The following TLE1 variants were observed in gnomAD, a reference collection of about 807,000 sequenced individuals.
TLE1 encodes the protein transducin-like enhancer protein 1.
Under a neutral mutation model 89.8 loss-of-function variants are expected in TLE1, and 21 were observed. The observed-to-expected ratio is 0.23, with a 90% confidence interval of 0.17 to 0.34. The LOEUF is 0.34. Among genes scored for constraint, TLE1 ranks in the 10% least tolerant of loss-of-function variants. The probability of loss-of-function intolerance (pLI) is 1.00; values close to 1 mark genes in which losing one functional copy is unlikely to be tolerated. For synonymous variants in TLE1, 447 were observed against 407.6 expected (o/e 1.10, Z -1.16); for missense variants, 795 against 1,031.2 (o/e 0.77, Z 3.14).
Position 81,688,268 on chromosome 9 carries a change from C to T in TLE1, c.-28G>A, listed in dbSNP as rs374897058. The T allele has an allele frequency of 4.7e-5, 74 of 1,558,838 alleles. No individual in the cohort carries two copies. The African/African-American group carries it at 6.8e-4, about 14-fold the overall frequency. ...CTCTGGCGGCGGCCGGGGCTCTGTT[C>T]CCCGGCAACTCAATTCTCCGGTCAA... is the stretch of plus-strand genomic sequence containing the variant. On this transcript the variant is annotated 5_prime_UTR_variant, in exon 1 of 20. Coordinates refer to ENST00000376499, the MANE Select transcript of TLE1 (RefSeq NM_005077.5).
At chr9:81,668,600 A>G (rs929595145) in intron 4 of TLE1, among the ~76,000 whole-genome samples, 3 of 152,218 alleles carry the variant, frequency 2.0e-5, no homozygotes, top group Non-Finnish European at 2.9e-5. Context: ...TTCCTCCAAG[A>G]TAACAATCAA....
chr9:81,664,709 GA>G (rs60095023), intron 4 of TLE1, among the ~76,000 whole-genome samples: 27 of 146,598 alleles, frequency 1.8e-4, no homozygotes, highest in African/African-American at 3.3e-4. Flanking sequence ...TTTTAATTAA[GA>G]AAAAAAAAAA....
intron 4 of TLE1, among the ~76,000 whole-genome samples, chr9:81,662,878 C>T (rs985045824): frequency 6.6e-6 from 1 of 151,946 alleles, no homozygotes; most frequent in Non-Finnish European, 1.5e-5. Flanking sequence ...GACAGGGTCT[C>T]ACCCTGTTGC....
chr9:81,660,273 C>T (rs1004566954), intron 4 of TLE1, among the ~76,000 whole-genome samples: 2 of 151,424 alleles, frequency 1.3e-5, no homozygotes, highest in African/African-American at 4.9e-5. Context: ...TCCATGCACC[C>T]CTAAATTCAA....
At chr9:81,605,029 C>T (rs910235010) in intron 14 of TLE1, among the ~76,000 whole-genome samples, 1 of 152,200 alleles carries the variant, frequency 6.6e-6, no homozygotes, top group African/African-American at 2.4e-5. Context: ...AGGCTGAGAG[C>T]ACCCTCTTTC....
chr9:81,634,198 C>G lies in TLE1; in HGVS notation c.476G>C (p.Gly159Ala), dbSNP rs771573048. The G allele has an allele frequency of 6.3e-7, 1 of 1,591,644 alleles. No homozygotes were observed. Among genetic ancestry groups the G allele is most frequent in the East Asian group, 2.3e-5 (1 of 44,244 alleles). The change falls in exon 7 of 20, where the codon GGG (glycine) becomes GCG (alanine). Residue 159 changes from glycine (G) to alanine (A), a missense_variant. Gly to Ala is a moderately conservative substitution (Grantham distance 60). This residue lies in a region of TLE1 where 468 missense variants were observed against 509.1 expected (regional missense o/e 0.92). Coordinates refer to ENST00000376499, the MANE Select transcript of TLE1 (RefSeq NM_005077.5). ...CAGCGCAAGAAGGCCGGCACTGCCC[C>G]CGAGGGGCGGGATTCCAGGAGGCTG... ...GLQPPGIPPL[G>A]GSAGLLALSS...
At chr9:81,628,650 T>C (rs1224406003) in intron 8 of TLE1, among the ~76,000 whole-genome samples, 1 of 152,202 alleles carries the variant, frequency 6.6e-6, no homozygotes, top group Admixed American at 6.5e-5. Flanking sequence ...AACAAGGTGA[T>C]GTTTGTCATA....
At chr9:81,647,697 C>T (rs73647838) in intron 6 of TLE1, among the ~76,000 whole-genome samples, 1,935 of 152,248 alleles carry the variant, frequency 0.013, 55 homozygotes, top group African/African-American at 0.044. Flanking sequence ...GACGGTATTA[C>T]CATCTACAGA....
At chr9:81,615,273 G>A (rs1193844537) in intron 11 of TLE1, among the ~76,000 whole-genome samples, 1 of 146,754 alleles carries the variant, frequency 6.8e-6, no homozygotes, top group Non-Finnish European at 1.5e-5. Flanking sequence ...AGGTTGCAGT[G>A]TGCCGAGATC....
chr9:81,676,784 G>C lies in TLE1; in HGVS notation c.234+8892C>G, dbSNP rs78642889. Reference sequence around the variant, plus strand: ...TCCCTTTCCAGGGCTGGAGTTCCCAGGGTGCGGCCAGGTTTGACATATGGG... The same window carrying C: ...TCCCTTTCCAGGGCTGGAGTTCCCACGGTGCGGCCAGGTTTGACATATGGG... On this transcript the variant is annotated intron_variant, in intron 4 of 19. Transcript: ENST00000376499. Among the ~76,000 whole-genome samples, 413 of 152,328 alleles carry C rather than the reference G, an allele frequency of 2.7e-3. 1 individual carries two copies. The highest frequency in any genetic ancestry group is 4.3e-3 in the Non-Finnish European group (295 of 68,030).
intron 15 of TLE1, 61 bp downstream of exon 15, chr9:81,592,964 T>G: frequency 6.4e-7 from 1 of 1,573,382 alleles, no homozygotes; most frequent in South Asian, 1.2e-5. Flanking sequence ...CCCACACAGC[T>G]ATTTCCTTAT....
chr9:81,626,192 G>A (rs1341072203), intron 8 of TLE1, among the ~76,000 whole-genome samples: 3 of 152,084 alleles, frequency 2.0e-5, no homozygotes, highest in Admixed American at 6.6e-5. Flanking sequence ...TCTCCTCCCC[G>A]CAGGAAAAGT....
In TLE1 at chr9:81,652,293, G is replaced by C. The variant is rs776315726; in HGVS notation, c.298-5C>G. The C allele has an allele frequency of 9.9e-6, 16 of 1,612,494 alleles. No individual in the cohort carries two copies. In the African/African-American group the frequency reaches 1.6e-4, roughly 16 times the overall value. ...CTGGGCCACCTGTTGTTGATGCTTTGAAAACAAGGAGAAGAAAGGGCATTA... is the reference window on the plus strand; with the variant it reads ...CTGGGCCACCTGTTGTTGATGCTTTCAAAACAAGGAGAAGAAAGGGCATTA... On this transcript the variant is annotated splice_polypyrimidine_tract_variant and splice_region_variant and intron_variant, in intron 5 of 19. Coordinates refer to ENST00000376499, the MANE Select transcript of TLE1 (RefSeq NM_005077.5).
chr9:81,645,425 G>A (rs888256149), intron 6 of TLE1, among the ~76,000 whole-genome samples: 7 of 150,564 alleles, frequency 4.6e-5, no homozygotes, highest in African/African-American at 1.2e-4. Flanking sequence ...AACTAAAAGC[G>A]TGTCATTAGA....
At chr9:81,665,128 G>A (rs999504295) in intron 4 of TLE1, among the ~76,000 whole-genome samples, 13 of 152,182 alleles carry the variant, frequency 8.5e-5, no homozygotes, top group Admixed American at 2.0e-4. Flanking sequence ...AGCAACATGA[G>A]AGCTGCCCTC....
chr9:81,689,445 G>C lies in TLE1; in HGVS notation c.-1205C>G, dbSNP rs1422058974. 1.3e-5 allele frequency: 2 copies of C among 153,334 alleles called. No individual in the cohort carries two copies. The highest frequency in any genetic ancestry group is 3.9e-4 in the East Asian group (2 of 5,180). The allele number at this position is 153,334 out of a possible 1,614,324, so 9.5% of individuals were successfully genotyped here. On this transcript the variant is annotated 5_prime_UTR_variant, in exon 1 of 20. Transcript: ENST00000376499. The stretch of plus-strand genomic sequence containing the variant: ...GGGGTGGCGCAGTCGGCTGCCTCCG[G>C]GACGCGGGGCACAGAGTACCCGCCG...
intron 6 of TLE1, among the ~76,000 whole-genome samples, chr9:81,643,153 C>T (rs1006178602): frequency 3.9e-5 from 6 of 151,978 alleles, no homozygotes; most frequent in Non-Finnish European, 8.8e-5. Context: ...TTCCAAGGTA[C>T]AACACGGTGA....
intron 2 of TLE1, among the ~76,000 whole-genome samples, chr9:81,686,216 T>C (rs1038459380): frequency 7.2e-5 from 11 of 152,340 alleles, no homozygotes; most frequent in Admixed American, 6.5e-4. Flanking sequence ...TTTGTTTCTC[T>C]GTACTCCACC....
chr9:81,656,959 A>G (rs1349022888), intron 4 of TLE1, among the ~76,000 whole-genome samples: 4 of 152,234 alleles, frequency 2.6e-5, no homozygotes, highest in African/African-American at 9.6e-5. Context: ...TGTACCAATT[A>G]TTGCGAGTTT....
Sources: allele counts gnomAD v4.1 joint callset (sites outside exome capture counted in the v4.1 genomes callset), GRCh38; gene constraint gnomAD v4.1.1; regional missense constraint gnomAD v4.1.1; transcripts MANE v1.5; gene names NCBI Gene and HGNC (gene_info 2026-07-23, HGNC 2026-07-21).